NALF1: variants seen among roughly 807,000 people sequenced by gnomAD.
The protein encoded by NALF1 is family with sequence similarity 155 member A.
NALF1 carries 3 observed loss-of-function variants against 48.4 expected under a neutral mutation model. That is an observed-to-expected ratio of 0.06 (90% confidence interval 0.03 to 0.16). The LOEUF (loss-of-function observed/expected upper bound fraction) is 0.16. Ranked by LOEUF, NALF1 falls within the 10% of genes least tolerant of loss-of-function variation. NALF1 has a pLI of 1.00. For missense variants in NALF1, 526 were observed against 571.5 expected, an observed-to-expected ratio of 0.92 and a Z score of 0.81; for synonymous variants, 262 against 245.7, an observed-to-expected ratio of 1.07 and a Z score of -0.62.
At chr13:107,321,900 C>T (rs569315213) in intron 1 of NALF1, among the ~76,000 whole-genome samples, 3 of 152,238 alleles carry the variant, frequency 2.0e-5, no homozygotes, top group African/African-American at 7.2e-5. Flanking sequence ...ATTTCTGTCA[C>T]ATCAGAGCAA....
intron 1 of NALF1, among the ~76,000 whole-genome samples, chr13:107,823,087 T>C (rs1594293935): frequency 6.6e-6 from 1 of 152,186 alleles, no homozygotes; most frequent in Non-Finnish European, 1.5e-5. Context: ...TTTGTTTAGT[T>C]TTACTGTAAC....
chr13:107,176,625 G>C (rs1878943735), intron 2 of NALF1, among the ~76,000 whole-genome samples: 1 of 151,688 alleles, frequency 6.6e-6, no homozygotes, highest in African/African-American at 2.4e-5. Flanking sequence ...CTGGGCAACA[G>C]AGTGAGACTC....
intron 1 of NALF1, among the ~76,000 whole-genome samples, chr13:107,745,521 G>A (rs1212079718): frequency 1.3e-5 from 2 of 152,020 alleles, no homozygotes; most frequent in Non-Finnish European, 2.9e-5. Flanking sequence ...TCATAATGGG[G>A]TTTACACAGA....
chr13:107,166,304 A>C lies in NALF1; in HGVS notation c.*4193T>G, dbSNP rs1441451439. ...CGTGGTGGCACAAGCCTGTAGTCCC[A>C]GCTACTCGAGAGGCTTGAGGCAGGA... On this transcript the variant is annotated 3_prime_UTR_variant, in exon 3 of 3. Transcript: ENST00000375915. 6.6e-6 allele frequency: 1 copy of C among 152,244 alleles called. No homozygotes were observed. The highest frequency in any genetic ancestry group is 1.5e-5 in the Non-Finnish European group (1 of 68,098). The allele number at this position is 152,244 out of a possible 1,614,324, so 9.4% of individuals were successfully genotyped here.
intron 1 of NALF1, among the ~76,000 whole-genome samples, chr13:107,463,108 C>G (rs1407021327): frequency 1.3e-5 from 2 of 152,164 alleles, no homozygotes. Flanking sequence ...AGGAAAAGAA[C>G]AGTACTTTCA....
intron 1 of NALF1, among the ~76,000 whole-genome samples, chr13:107,836,726 T>C (rs996432916): frequency 6.6e-6 from 1 of 152,204 alleles, no homozygotes; most frequent in African/African-American, 2.4e-5. Context: ...CTTTAAAATA[T>C]TCACTAGCCA....
intron 1 of NALF1, among the ~76,000 whole-genome samples, chr13:107,843,373 T>C (rs903269834): frequency 2.0e-5 from 3 of 152,142 alleles, no homozygotes; most frequent in Non-Finnish European, 4.4e-5. Flanking sequence ...CTGCATATAG[T>C]TCACGCTCCA....
At chr13:107,296,025 A>G (rs1458125762) in intron 1 of NALF1, among the ~76,000 whole-genome samples, 2 of 152,240 alleles carry the variant, frequency 1.3e-5, no homozygotes, top group Admixed American at 1.3e-4. Flanking sequence ...GTTCAGCAAG[A>G]TGTGGGCAAC....
intron 1 of NALF1, among the ~76,000 whole-genome samples, chr13:107,284,990 AATTCACTAG>A (rs1475173354): frequency 6.6e-6 from 1 of 152,216 alleles, no homozygotes; most frequent in African/African-American, 2.4e-5. Flanking sequence ...ATAACTAAAA[AATTCACTAG>A]GAAAGTTCAA....
intron 2 of NALF1, among the ~76,000 whole-genome samples, chr13:107,190,984 C>T (rs1223417198): frequency 6.6e-6 from 1 of 152,152 alleles, no homozygotes; most frequent in Non-Finnish European, 1.5e-5. Flanking sequence ...ATATTTTTCA[C>T]TGATTGATGG....
At chr13:107,771,424 ATTTGT>A (rs1272977575) in intron 1 of NALF1, among the ~76,000 whole-genome samples, 1 of 151,402 alleles carries the variant, frequency 6.6e-6, no homozygotes, top group Non-Finnish European at 1.5e-5. Context: ...TATATAAAAT[ATTTGT>A]TTTGTTTTCC....
chr13:107,244,938 G>T (rs991475467), intron 1 of NALF1, among the ~76,000 whole-genome samples: 4 of 152,048 alleles, frequency 2.6e-5, no homozygotes, highest in African/African-American at 9.7e-5. Context: ...ATTTATTTAA[G>T]ACCCAATGAA....
intron 1 of NALF1, among the ~76,000 whole-genome samples, chr13:107,819,525 C>A (rs1232758474): frequency 6.6e-6 from 1 of 152,210 alleles, no homozygotes; most frequent in Non-Finnish European, 1.5e-5. Context: ...GAATCTTCCA[C>A]AAGTACAATT....
At chr13:107,170,814 G>A in intron 2 of NALF1, 28 bp from the exon 3 acceptor site, 1 of 1,604,490 alleles carries the variant, frequency 6.2e-7, no homozygotes, top group Non-Finnish European at 8.5e-7. Context: ...TAGAGTGTCA[G>A]CAGGAAGGAA....
intron 1 of NALF1, among the ~76,000 whole-genome samples, chr13:107,255,451 CA>C (rs1436929539): frequency 2.0e-5 from 3 of 152,176 alleles, no homozygotes; most frequent in Admixed American, 1.3e-4. Context: ...CCCAAATTAA[CA>C]GCCGGACCCT....
intron 2 of NALF1, among the ~76,000 whole-genome samples, chr13:107,181,501 G>C (rs1879060332): frequency 6.7e-6 from 1 of 150,262 alleles, no homozygotes; most frequent in South Asian, 2.1e-4. Flanking sequence ...AGTTTTGTTT[G>C]ATACATTTTA....
chr13:107,406,178 A>G (rs1883895068), intron 1 of NALF1, among the ~76,000 whole-genome samples: 2 of 152,066 alleles, frequency 1.3e-5, no homozygotes, highest in Admixed American at 6.6e-5. Context: ...TTGATTATTT[A>G]GAAAAAATTT....
At chr13:107,372,503 G>T (rs9301217) in intron 1 of NALF1, among the ~76,000 whole-genome samples, 82,978 of 152,114 alleles carry the variant, frequency 0.55, 23,206 homozygotes, top group East Asian at 0.74. Flanking sequence ...ATACTCATTT[G>T]CAAATTAAGT....
intron 1 of NALF1, among the ~76,000 whole-genome samples, chr13:107,436,704 A>G (rs1884469309): frequency 6.6e-6 from 1 of 152,192 alleles, no homozygotes; most frequent in South Asian, 2.1e-4. Context: ...ACTTTTATTT[A>G]TCATTGTACT....
Sources: allele counts gnomAD v4.1 joint callset (sites outside exome capture counted in the v4.1 genomes callset), GRCh38; gene constraint gnomAD v4.1.1; transcripts MANE v1.5; gene names NCBI Gene and HGNC (gene_info 2026-07-23, HGNC 2026-07-21).